The following DGKI variants were observed in gnomAD, a reference collection of about 807,000 sequenced individuals.
DGKI encodes the protein diacylglycerol kinase iota.
Under a neutral mutation model 147.5 loss-of-function variants are expected in DGKI, and 55 were observed. The observed-to-expected ratio is 0.37, with a 90% confidence interval of 0.30 to 0.47. The LOEUF (loss-of-function observed/expected upper bound fraction) is 0.47, where lower values mean the gene tolerates loss of function less well. Among genes scored for constraint, DGKI ranks in the 20% least tolerant of loss-of-function variants. The probability of loss-of-function intolerance (pLI) is 1.00; values close to 1 mark genes in which losing one functional copy is unlikely to be tolerated. For missense variants in DGKI, 1,007 were observed against 1,323.8 expected, an observed-to-expected ratio of 0.76 and a Z score of 3.71; for synonymous variants, 469 against 477.1, an observed-to-expected ratio of 0.98 and a Z score of 0.22.
intron 21 of DGKI, among the ~76,000 whole-genome samples, chr7:137,509,373 G>A (rs1235814310): frequency 6.6e-6 from 1 of 152,186 alleles, no homozygotes; most frequent in African/African-American, 2.4e-5. Flanking sequence ...TGGAATAGAG[G>A]AGTGGCAGAA....
chr7:137,415,465 G>A (rs993556067), intron 28 of DGKI, among the ~76,000 whole-genome samples: 3 of 152,144 alleles, frequency 2.0e-5, no homozygotes, highest in African/African-American at 7.2e-5. Context: ...GTAGATTTTG[G>A]TATCTGCAAG....
In DGKI at chr7:137,706,504, TATTTTATTTC is replaced by T. The variant is rs1398857517; in HGVS notation, c.402-16512_402-16503del. On this transcript the variant is annotated intron_variant, in intron 1 of 32. Transcript: ENST00000614521. The stretch of plus-strand genomic sequence containing the variant: ...TATTTTATTTTATTTTATTTTATTT[TATTTTATTTC>T]ATTTTATTTTATTTCATTTTATTTC... Among the ~76,000 whole-genome samples the T allele has an allele frequency of 2.4e-3, 366 of 149,684 alleles. 1 individual carries two copies. Among genetic ancestry groups the T allele is most frequent in the Non-Finnish European group, 4.2e-3 (283 of 67,406 alleles).
chr7:137,617,543 G>GTA (rs1454922326), intron 8 of DGKI, among the ~76,000 whole-genome samples: 1 of 152,002 alleles, frequency 6.6e-6, no homozygotes, highest in Admixed American at 6.6e-5. Flanking sequence ...AGACTAAGTG[G>GTA]TATGCTGTCT....
chr7:137,512,495 T>G (rs1290899311), intron 21 of DGKI, among the ~76,000 whole-genome samples: 2 of 152,188 alleles, frequency 1.3e-5, no homozygotes, highest in Admixed American at 6.5e-5. Flanking sequence ...GAGCTTACAT[T>G]CCAGAGTTGT....
At chr7:137,802,948 A>G (rs993448093) in intron 1 of DGKI, among the ~76,000 whole-genome samples, 1 of 152,240 alleles carries the variant, frequency 6.6e-6, no homozygotes, top group Admixed American at 6.5e-5. Context: ...AAAACTCTCA[A>G]GAAAATTATA....
intron 2 of DGKI, among the ~76,000 whole-genome samples, chr7:137,689,031 A>G (rs1382268340): frequency 6.6e-6 from 1 of 152,210 alleles, no homozygotes; most frequent in Non-Finnish European, 1.5e-5. Flanking sequence ...AAGAAATGCT[A>G]TAATACAGAG....
At chr7:137,449,540 G>A (rs1013807512) in intron 27 of DGKI, among the ~76,000 whole-genome samples, 2 of 152,224 alleles carry the variant, frequency 1.3e-5, no homozygotes, top group Admixed American at 6.5e-5. Context: ...ACTGCTAGAA[G>A]AAAACAGAAA....
At chr7:137,644,773 C>G (rs574942424) in intron 6 of DGKI, among the ~76,000 whole-genome samples, 1 of 152,320 alleles carries the variant, frequency 6.6e-6, no homozygotes, top group South Asian at 2.1e-4. Flanking sequence ...ACCAGTTTAA[C>G]CCTCCCAGAG....
At chr7:137,568,267 T>C (rs1585239334) in intron 19 of DGKI, among the ~76,000 whole-genome samples, 1 of 152,182 alleles carries the variant, frequency 6.6e-6, no homozygotes. Flanking sequence ...TCCTCCTACT[T>C]CCAAATGTTT....
chr7:137,392,207 C>T (rs1811391471), intron 32 of DGKI, among the ~76,000 whole-genome samples: 1 of 152,092 alleles, frequency 6.6e-6, no homozygotes, highest in Non-Finnish European at 1.5e-5. Context: ...CTTTTGTACA[C>T]TTATATACAC....
intron 32 of DGKI, among the ~76,000 whole-genome samples, chr7:137,393,603 A>C (rs901960012): frequency 1.3e-5 from 2 of 152,246 alleles, no homozygotes; most frequent in Admixed American, 6.5e-5. Flanking sequence ...AGAACATCAC[A>C]TTGAGAAATT....
In DGKI at chr7:137,585,295, T is replaced by A; in HGVS notation, c.1477A>T (p.Thr493Ser). 1 of 1,614,128 alleles carries A rather than the reference T, an allele frequency of 6.2e-7. No homozygotes were observed. The highest frequency in any genetic ancestry group is 8.5e-7 in the Non-Finnish European group (1 of 1,179,998). The change falls in exon 14 of 33, where the codon ACA (threonine) becomes TCA (serine). Residue 493 changes from threonine to serine, a missense_variant. Coordinates refer to ENST00000614521, the MANE Select transcript of DGKI (RefSeq NM_001321708.2). ...SKILCQVEDG[T>S]VVQLDRWNLH... is the part of the protein sequence containing the mutation. ...TTCCAGCGATCTAGCTGTACAACTG[T>A]CCCATCTTCCACTTGACACAGGATC... is the stretch of plus-strand genomic sequence containing the variant.
At chr7:137,578,207 A>G (rs1419194670) in intron 16 of DGKI, 63 bp downstream of exon 16, 2 of 1,204,238 alleles carry the variant, frequency 1.7e-6, no homozygotes, top group Admixed American at 1.7e-5. Context: ...TTGCAACTTT[A>G]TGATACACAG....
rs546270533 is a variant in DGKI, at chr7:137,620,018, C to T, written c.877-78G>A. 1,700 of 739,308 alleles carry T rather than the reference C, an allele frequency of 2.3e-3. 25 individuals are homozygous for T. In the African/African-American group the frequency reaches 0.041, roughly 18 times the overall value. 45.8% of individuals were successfully genotyped at this position (739,308 alleles called of 1,614,324 possible). A position where few individuals can be genotyped will look rare whatever the true frequency, so the allele number is the denominator to read the frequency against. ...GCAAGAAGGGATAAATATGTACACA[C>T]GCACACACACACACACACACACACA... On this transcript the variant is annotated intron_variant, in intron 7 of 32. Transcript: ENST00000614521.
intron 3 of DGKI, among the ~76,000 whole-genome samples, chr7:137,664,979 G>A (rs570727211): frequency 1.2e-4 from 18 of 151,318 alleles, no homozygotes; most frequent in Non-Finnish European, 1.0e-4. Flanking sequence ...AGTTCACCAC[G>A]TGGATATCTG....
intron 1 of DGKI, among the ~76,000 whole-genome samples, chr7:137,833,340 T>A (rs997997676): frequency 6.6e-6 from 1 of 152,026 alleles, no homozygotes; most frequent in African/African-American, 2.4e-5. Flanking sequence ...CATGGCAAAG[T>A]CAAGGAGGAA....
intron 1 of DGKI, among the ~76,000 whole-genome samples, chr7:137,723,877 T>A (rs1473163471): frequency 6.6e-6 from 1 of 151,942 alleles, no homozygotes; most frequent in Non-Finnish European, 1.5e-5. Flanking sequence ...ATCCAGCTAA[T>A]TTTTTGTGTT....
chr7:137,615,429 A>G (rs534233565), intron 8 of DGKI, among the ~76,000 whole-genome samples: 16 of 152,190 alleles, frequency 1.1e-4, no homozygotes, highest in African/African-American at 3.9e-4. Context: ...ATGTAGTTAA[A>G]TTAACATGAA....
At chr7:137,659,378 T>G (rs1822338201) in intron 3 of DGKI, among the ~76,000 whole-genome samples, 1 of 152,220 alleles carries the variant, frequency 6.6e-6, no homozygotes, top group Non-Finnish European at 1.5e-5. Flanking sequence ...GGTGTATGAC[T>G]ACATTTCAAC....
Sources: gnomAD v4.1 joint callset for allele counts (sites outside exome capture counted in the v4.1 genomes callset) on GRCh38, gnomAD v4.1.1 for gene constraint, MANE v1.5 for transcripts, NCBI Gene and HGNC (gene_info 2026-07-23, HGNC 2026-07-21) for gene names.